The following VWCE variants were observed in gnomAD, a reference collection of about 807,000 sequenced individuals.
The protein encoded by VWCE is von Willebrand factor C and EGF domain-containing protein.
A neutral mutation model predicts 102.9 loss-of-function variants in VWCE; 68 were observed. The ratio of observed to expected loss-of-function variants is 0.66; its 90% confidence interval spans 0.54 to 0.81. VWCE has a LOEUF of 0.81. VWCE is among the 30% of genes least tolerant of loss of function. The probability of loss-of-function intolerance (pLI) is 0.00; values close to 1 mark genes in which losing one functional copy is unlikely to be tolerated. For synonymous variants in VWCE, 497 were observed against 515.4 expected (o/e 0.96, Z 0.48); for missense variants, 1,137 against 1,263.6 (o/e 0.90, Z 1.52).
chr11:61,268,888 G>A, intron 15 of VWCE, 34 bp downstream of exon 15: 1 of 1,606,740 alleles, frequency 6.2e-7, no homozygotes. Context: ...GAGATGCCCT[G>A]CCCTGGGGGC....
Position 61,294,370 on chromosome 11 carries a change from G to A in VWCE, c.110+558C>T, listed in dbSNP as rs1423505104. Among the ~76,000 whole-genome samples, 6 of 152,198 alleles carry A rather than the reference G, an allele frequency of 3.9e-5. No individual in the cohort carries two copies. Among genetic ancestry groups the A allele is most frequent in the Non-Finnish European group, 8.8e-5 (6 of 68,028 alleles). On this transcript the variant is annotated intron_variant, in intron 1 of 19. Transcript: ENST00000335613. This position sits in a 1 kb window ranked among gnomAD's most constrained non-coding sequence, Gnocchi z 6.3. The stretch of plus-strand genomic sequence containing the variant: ...CGCACGGCCCCACCGCGGCCCGGGG[G>A]AAAGCACGTGCGGAGGGCGGCATCC...
intron 14 of VWCE, among the ~76,000 whole-genome samples, chr11:61,270,628 T>C (rs1482816766): frequency 2.6e-5 from 4 of 152,100 alleles, no homozygotes; most frequent in Non-Finnish European, 5.9e-5. Context: ...TCCTTACTCA[T>C]TTCTGAAATG....
chr11:61,291,352 G>C lies in VWCE; in HGVS notation c.207C>G (p.Pro69=). The C allele has an allele frequency of 6.2e-7, 1 of 1,612,722 alleles. No homozygotes were observed. The highest frequency in any genetic ancestry group is 8.5e-7 in the Non-Finnish European group (1 of 1,179,446). The change falls in exon 3 of 20, where the codon CCC becomes CCG. Residue 69 remains proline, a splice_region_variant and synonymous_variant. Transcript: ENST00000335613. The part of the protein sequence containing the change: ...PSMGGGHCTL[P]LCSFGCGSGI... ...CACTCCCACAGCCGAAGGAGCAGAG[G>C]GCTGAGAGGAGAAGTGCAGGTGAGA...
At chr11:61,290,522 A>C (rs1260689199) in intron 4 of VWCE, among the ~76,000 whole-genome samples, 1 of 151,964 alleles carries the variant, frequency 6.6e-6, no homozygotes, top group Non-Finnish European at 1.5e-5. Context: ...AAAAAAAAAA[A>C]AAAAAAAAAC....
At chr11:61,286,215 G>T in intron 5 of VWCE, 99 bp downstream of exon 5, 2 of 1,126,038 alleles carry the variant, frequency 1.8e-6, no homozygotes, top group Non-Finnish European at 1.3e-6. Context: ...CAATGCAGTG[G>T]CACACAGAGC....
In VWCE at chr11:61,268,927, G is replaced by A; in HGVS notation, c.1877C>T (p.Ser626Leu). Residue 626 changes from serine to leucine, a missense_variant, in exon 15 of 20, where the codon TCA (serine) becomes TTA (leucine). By Grantham distance (145) the Ser-to-Leu change is moderately radical. This residue lies in a region of VWCE where 212 missense variants were observed against 235.1 expected (regional missense o/e 0.90). Transcript: ENST00000335613. Reference sequence around the variant, plus strand: ...GGGCAGAGGCAGGGGATTACCTGCTGAACAGTCTGGGCAGCACTGTCCAGG... The same window carrying A: ...GGGCAGAGGCAGGGGATTACCTGCTAAACAGTCTGGGCAGCACTGTCCAGG... Reference protein sequence around the residue: ...RIPGQCCPDCSAGCTYTGRIF... With the variant: ...RIPGQCCPDCLAGCTYTGRIF... 1 of 1,614,058 alleles carries A rather than the reference G, an allele frequency of 6.2e-7. No homozygotes were observed. The highest frequency in any genetic ancestry group is 1.1e-5 in the South Asian group (1 of 91,082).
At chr11:61,260,380 C>G (rs1854317345) in intron 19 of VWCE, among the ~76,000 whole-genome samples, 1 of 152,172 alleles carries the variant, frequency 6.6e-6, no homozygotes, top group African/African-American at 2.4e-5. Context: ...CTCAAGCGAT[C>G]CTCCCATCTC....
chr11:61,280,581 A>G (rs1470769913), intron 9 of VWCE, 43 bp downstream of exon 9: 1 of 1,598,412 alleles, frequency 6.3e-7, no homozygotes. Flanking sequence ...GTGCAGAGAA[A>G]GGAAGAGGCA....
chr11:61,294,968 A>G lies in VWCE; in HGVS notation c.70T>C (p.Tyr24His). The G allele has an allele frequency of 6.8e-7, 1 of 1,468,992 alleles. No homozygotes were observed. The highest frequency in any genetic ancestry group is 9.0e-7 in the Non-Finnish European group (1 of 1,110,818). 91.0% of individuals were successfully genotyped at this position (1,468,992 alleles called of 1,614,324 possible). A position where few individuals can be genotyped will look rare whatever the true frequency, so the allele number is the denominator to read the frequency against. ...TGCCCGGGCGGCTTCCTCCCGGTGT[A>G]GCCTCGGGCTGGTGCCCCCGGCAGC... ...LLLPGAPARGYTGRKPPGHFA... is the reference protein window; with the variant it reads ...LLLPGAPARGHTGRKPPGHFA... The change falls in exon 1 of 20, where the codon TAC becomes CAC. Residue 24 changes from tyrosine to histidine, a missense_variant. By Grantham distance (83) the Tyr-to-His change is moderately conservative (BLOSUM62 2). This residue lies in a region of VWCE where 575 missense variants were observed against 625.9 expected (regional missense o/e 0.92). Transcript: ENST00000335613. The surrounding 1 kb of genome is among the most constrained non-coding windows in gnomAD (Gnocchi z 6.3).
rs1045894462 is a variant in VWCE at position 61,291,258 on chromosome 11, A to C, written c.295+6T>G. The C allele has an allele frequency of 6.4e-7, 1 of 1,570,460 alleles. No homozygotes were observed. The highest frequency in any genetic ancestry group is 8.6e-7 in the Non-Finnish European group (1 of 1,157,140). ...TTCCCATCAGCCCCTTCCCATCCCC[A>C]GTTACCTGGGCAGGTGGCCCCTTGC... is the stretch of plus-strand genomic sequence containing the variant. On this transcript the variant is annotated splice_donor_region_variant and intron_variant, in intron 3 of 19. Transcript: ENST00000335613.
chr11:61,267,735 C>T (rs879812087), intron 15 of VWCE, among the ~76,000 whole-genome samples, 191 bp from the exon 16 acceptor site: 7 of 152,130 alleles, frequency 4.6e-5, no homozygotes, highest in Non-Finnish European at 8.8e-5. Context: ...TGACTTTTTT[C>T]CCACTGGATT....
At chr11:61,274,723 C>A in intron 11 of VWCE, 139 bp from the exon 12 acceptor site, 2 of 616,572 alleles carry the variant, frequency 3.2e-6, no homozygotes, top group Non-Finnish European at 5.5e-6. Context: ...TGCCCAGGAA[C>A]CCAAAGCACT....
rs746653589 is a variant in VWCE at position 61,267,509 on chromosome 11, C to T, written c.1918G>A (p.Glu640Lys). The change falls in exon 16 of 20, where the codon GAG (glutamate) becomes AAG (lysine). Residue 640 changes from glutamate to lysine, a missense_variant. Coordinates refer to ENST00000335613, the MANE Select transcript of VWCE (RefSeq NM_152718.2). ...TYTGRIFYNN[E>K]TFPSVLDPCL... ...GGGTCCAGCACAGACGGGAAGGTCT[C>T]GTTGTTATAGAAGATTCTGCCTGTG... 4.3e-6 allele frequency: 7 copies of T among 1,613,966 alleles called. No homozygotes were observed. Among genetic ancestry groups the T allele is most frequent in the African/African-American group, 1.3e-5 (1 of 74,896 alleles).
In VWCE at chr11:61,264,470, C is replaced by T. The variant is rs185107906; in HGVS notation, c.2230+17G>A. The T allele has an allele frequency of 2.8e-4, 445 of 1,611,070 alleles. No individual in the cohort carries two copies. In the African/African-American group the frequency reaches 5.5e-3, roughly 20 times the overall value. ...AGAAGATGGCGGAGAAACTCCAGGA[C>T]CCAGAGACCCACTTACCTGGACAGG... On this transcript the variant is annotated intron_variant, in intron 19 of 19. Coordinates refer to ENST00000335613, the MANE Select transcript of VWCE (RefSeq NM_152718.2).
intron 13 of VWCE, among the ~76,000 whole-genome samples, chr11:61,272,132 ACATACT>A (rs1446882470): frequency 6.6e-6 from 1 of 152,058 alleles, no homozygotes; most frequent in Non-Finnish European, 1.5e-5. Flanking sequence ...ACAGACACAC[ACATACT>A]CATACAAATG....
Position 61,290,930 on chromosome 11 carries a change from A to G in VWCE, c.296-3T>C, listed in dbSNP as rs752537152. 2.5e-6 allele frequency: 4 copies of G among 1,612,824 alleles called. No individual in the cohort carries two copies. The highest frequency in any genetic ancestry group is 2.5e-6 in the Non-Finnish European group (3 of 1,179,550). ...CTCCCCACATGGTCCATGGGTTTCT[A>G]GAGCAGGCATCACACCAGTGAGCAT... On this transcript the variant is annotated splice_region_variant and splice_polypyrimidine_tract_variant and intron_variant, in intron 3 of 19. Transcript: ENST00000335613.
rs1855490902 is a variant in VWCE at position 61,291,141 on chromosome 11, T to C, written c.295+123A>G. The stretch of plus-strand genomic sequence containing the variant: ...CTTCATCTATAAAATGGGCACAAAA[T>C]GTCTACCTAATGGAGTTGTCTGAAG... On this transcript the variant is annotated intron_variant, in intron 3 of 19. Transcript: ENST00000335613. 2.4e-6 allele frequency: 3 copies of C among 1,236,852 alleles called. No homozygotes were observed. The African/African-American group carries it at 4.6e-5, about 19-fold the overall frequency. The allele number at this position is 1,236,852 out of a possible 1,614,324, so 76.6% of individuals were successfully genotyped here.
chr11:61,273,053 AACTC>A (rs960599076), intron 13 of VWCE, 142 bp downstream of exon 13: 59 of 771,660 alleles, frequency 7.6e-5, no homozygotes, highest in East Asian at 2.1e-4. Context: ...ACTACACAAA[AACTC>A]ACACTCATAC....
chr11:61,280,738 T>C (rs1281976108), intron 8 of VWCE, 21 bp from the exon 9 acceptor site: 1 of 1,613,626 alleles, frequency 6.2e-7, no homozygotes, highest in Non-Finnish European at 8.5e-7. Context: ...AAGCAGGAGT[T>C]AGAGCCACCA....
Sources: gnomAD v4.1 joint callset for allele counts (sites outside exome capture counted in the v4.1 genomes callset) on GRCh38, gnomAD v4.1.1 for gene constraint, gnomAD v4.1.1 regional missense constraint, Gnocchi (gnomAD v3.1) non-coding constraint, MANE v1.5 for transcripts, NCBI Gene and HGNC (gene_info 2026-07-23, HGNC 2026-07-21) for gene names.